Variants in PRKCE observed in about 807,000 individuals in gnomAD.
PRKCE encodes the protein protein kinase C epsilon, also known as protein kinase C epsilon type.
Under a neutral mutation model 85.4 loss-of-function variants are expected in PRKCE, and 16 were observed. The observed-to-expected ratio is 0.19, with a 90% confidence interval of 0.13 to 0.28. PRKCE has a LOEUF of 0.28. Among genes scored for constraint, PRKCE ranks in the 10% least tolerant of loss-of-function variants. The pLI is 1.00. For synonymous variants in PRKCE, 388 were observed against 371.5 expected (o/e 1.04, Z -0.51); for missense variants, 573 against 975.2 (o/e 0.59, Z 5.49).
intron 1 of PRKCE, among the ~76,000 whole-genome samples, chr2:45,839,826 G>A (rs565461024): frequency 2.6e-5 from 4 of 152,352 alleles, no homozygotes; most frequent in Admixed American, 1.3e-4. Context: ...CTTGGCTGGC[G>A]ATCTGCGGCC....
intron 2 of PRKCE, among the ~76,000 whole-genome samples, chr2:45,953,737 TC>T (rs1170320316): frequency 1.3e-5 from 2 of 151,544 alleles, no homozygotes; most frequent in African/African-American, 2.4e-5. Flanking sequence ...GTGCCTGGGC[TC>T]CCCCCGAAGA....
chr2:46,007,548 G>A lies in PRKCE; in HGVS notation c.1150G>A (p.Gly384Ser), dbSNP rs1364069630. 3 of 1,599,680 alleles carry A rather than the reference G, an allele frequency of 1.9e-6. No individual in the cohort carries two copies. The highest frequency in any genetic ancestry group is 1.7e-5 in the Admixed American group (1 of 60,012). Residue 384 changes from glycine to serine, a missense_variant, in exon 9 of 15, where the codon GGC becomes AGC. Around this residue, in one of 11 missense-constraint regions of PRKCE, gnomAD observed 117 missense variants for 104.8 expected, o/e 1.12. Coordinates refer to ENST00000306156, the MANE Select transcript of PRKCE (RefSeq NM_005400.3). ...GCACCGGGCAGCATCGTCTCCTGAT[G>A]GCCAGCTGATGAGCCCCGGTGAGAA... ...EEHRAASSPD[G>S]QLMSPGENGE... is the part of the protein sequence containing the mutation.
At chr2:46,141,793 T>C (rs77867743) in intron 11 of PRKCE, among the ~76,000 whole-genome samples, 3,260 of 152,106 alleles carry the variant, frequency 0.021, 104 homozygotes, top group African/African-American at 0.073. Context: ...TGGGCAGTTG[T>C]CCCTCTTTGC....
chr2:46,074,792 G>A (rs1481894016), intron 10 of PRKCE, among the ~76,000 whole-genome samples: 1 of 152,150 alleles, frequency 6.6e-6, no homozygotes, highest in Non-Finnish European at 1.5e-5. Context: ...CACTGAGCCT[G>A]GACAGATGGG....
At chr2:46,049,755 C>A (rs942370959) in intron 10 of PRKCE, among the ~76,000 whole-genome samples, 1 of 152,202 alleles carries the variant, frequency 6.6e-6, no homozygotes, top group Non-Finnish European at 1.5e-5. Context: ...TCCCATCATG[C>A]GTTTCCTTCT....
At chr2:46,182,706 A>G (rs1680116778) in intron 14 of PRKCE, among the ~76,000 whole-genome samples, 1 of 152,150 alleles carries the variant, frequency 6.6e-6, no homozygotes, top group Non-Finnish European at 1.5e-5. Flanking sequence ...TTTTGATTTC[A>G]ACCTGGGACG....
At chr2:45,677,953 C>A in intron 1 of PRKCE, 6 of 908,274 alleles carry the variant, frequency 6.6e-6, no homozygotes, top group Non-Finnish European at 7.9e-6. Flanking sequence ...GCCCTTTTGT[C>A]TGCCACTGTG....
chr2:45,823,139 C>A (rs1037546412), intron 1 of PRKCE, among the ~76,000 whole-genome samples: 4 of 152,190 alleles, frequency 2.6e-5, no homozygotes, highest in Non-Finnish European at 2.9e-5. Flanking sequence ...CCGTGTGCTC[C>A]AGGAAACTTG....
intron 2 of PRKCE, among the ~76,000 whole-genome samples, chr2:45,884,601 C>G (rs1048509300): frequency 1.3e-5 from 2 of 152,140 alleles, no homozygotes; most frequent in Admixed American, 6.5e-5. Flanking sequence ...TTGTAAACTG[C>G]AAGGAATTTT....
intron 10 of PRKCE, among the ~76,000 whole-genome samples, chr2:46,063,506 C>T (rs995466213): frequency 2.6e-5 from 4 of 152,192 alleles, no homozygotes; most frequent in Non-Finnish European, 4.4e-5. Flanking sequence ...TGAGCACAGA[C>T]TCCCAGATGG....
chr2:45,821,548 G>C (rs1689533348), intron 1 of PRKCE, among the ~76,000 whole-genome samples: 1 of 152,148 alleles, frequency 6.6e-6, no homozygotes, highest in Non-Finnish European at 1.5e-5. Flanking sequence ...GAGACTGCTG[G>C]AGGAAGGATT....
chr2:45,952,612 G>A (rs1206738912), intron 2 of PRKCE, among the ~76,000 whole-genome samples: 1 of 152,296 alleles, frequency 6.6e-6, no homozygotes, highest in Admixed American at 6.5e-5. Flanking sequence ...GTTGAATTAA[G>A]ATGTAATTAT....
chr2:45,721,521 TGATA>T (rs952140725), intron 1 of PRKCE, among the ~76,000 whole-genome samples: 4 of 152,090 alleles, frequency 2.6e-5, no homozygotes, highest in African/African-American at 9.7e-5. Flanking sequence ...AGATCCTGAA[TGATA>T]GATAGGGTCT....
chr2:45,942,476 A>G (rs867207643), intron 2 of PRKCE, among the ~76,000 whole-genome samples: 1 of 152,190 alleles, frequency 6.6e-6, no homozygotes, highest in Non-Finnish European at 1.5e-5. Context: ...TAATGTTGTC[A>G]TATTATGTGT....
chr2:45,741,935 C>G (rs972719549), intron 1 of PRKCE, among the ~76,000 whole-genome samples: 2 of 152,162 alleles, frequency 1.3e-5, no homozygotes, highest in African/African-American at 4.8e-5. Context: ...CCTGGTCAGC[C>G]TGAGGGCACT....
At chr2:45,915,259 A>G (rs1697679302) in intron 2 of PRKCE, among the ~76,000 whole-genome samples, 1 of 152,198 alleles carries the variant, frequency 6.6e-6, no homozygotes, top group Admixed American at 6.5e-5. Context: ...AATATAATGA[A>G]GGAGTAAGGC....
intron 2 of PRKCE, chr2:45,845,894 G>A (rs1468446698): frequency 1.3e-5 from 2 of 152,170 alleles, no homozygotes; most frequent in Non-Finnish European, 2.9e-5. Flanking sequence ...TTATCCTTTG[G>A]TACAATTTGA....
chr2:45,837,253 G>A (rs1690958442), intron 1 of PRKCE, among the ~76,000 whole-genome samples: 1 of 152,170 alleles, frequency 6.6e-6, no homozygotes. Context: ...GGAGTTGAGG[G>A]AGCAAGTTCT....
At chr2:45,711,972 A>C (rs1233282616) in intron 1 of PRKCE, among the ~76,000 whole-genome samples, 2 of 151,892 alleles carry the variant, frequency 1.3e-5, no homozygotes, top group African/African-American at 2.4e-5. Flanking sequence ...GAGGCAGGAC[A>C]AATACTCCTA....
Sources: allele counts gnomAD v4.1 joint callset (sites outside exome capture counted in the v4.1 genomes callset), GRCh38; gene constraint gnomAD v4.1.1; regional missense constraint gnomAD v4.1.1; transcripts MANE v1.5; gene names NCBI Gene and HGNC (gene_info 2026-07-23, HGNC 2026-07-21).